CIROZ: variants seen among roughly 807,000 people sequenced by gnomAD.
CIROZ encodes ciliated left-right organizer ZP-N domains-containing protein.
the CIROZ span, among the ~76,000 whole-genome samples, chr1:10,969,564 C>T: frequency 3.3e-5 from 5 of 152,110 alleles, no homozygotes; most frequent in Non-Finnish European, 7.3e-5. Flanking sequence ...ACCAGATGGG[C>T]GCTTCTTCCA....
the CIROZ span, among the ~76,000 whole-genome samples, chr1:10,968,543 A>G: frequency 2.6e-5 from 4 of 152,278 alleles, no homozygotes; most frequent in African/African-American, 7.2e-5. Flanking sequence ...GGGGAAATAA[A>G]GTGTCTGAGC....
chr1:10,975,590 GAAAA>G, the CIROZ span, among the ~76,000 whole-genome samples: 1 of 98,630 alleles, frequency 1.0e-5, no homozygotes, highest in African/African-American at 3.7e-5. Flanking sequence ...CTCTGTCTCA[GAAAA>G]AAAAAAAAAA....
At chr1:10,949,615 T>C in the CIROZ span, 3,561 of 1,596,708 alleles carry the variant, frequency 2.2e-3, 6 homozygotes, top group Non-Finnish European at 2.8e-3. Flanking sequence ...GATGCAGCCA[T>C]AGACGTGCTT....
the CIROZ span, among the ~76,000 whole-genome samples, chr1:10,981,118 A>G: frequency 1.8e-3 from 280 of 152,338 alleles, 5 homozygotes; most frequent in Non-Finnish European, 9.4e-4. Context: ...AATGCATCTC[A>G]GATGGGGAAA....
At chr1:10,974,839 G>T in the CIROZ span, among the ~76,000 whole-genome samples, 1 of 152,112 alleles carries the variant, frequency 6.6e-6, no homozygotes, top group Admixed American at 6.6e-5. This position sits in a 1 kb window ranked among gnomAD's most constrained non-coding sequence, Gnocchi z 4.4. Context: ...GAGCTCTATG[G>T]GTCCTTCTGG....
the CIROZ span, among the ~76,000 whole-genome samples, chr1:10,965,464 C>T: frequency 1.3e-5 from 2 of 152,336 alleles, no homozygotes; most frequent in South Asian, 4.1e-4. Context: ...TGGCTCATTC[C>T]TATCATCTCA....
the CIROZ span, among the ~76,000 whole-genome samples, chr1:10,966,970 A>C: frequency 2.0e-5 from 3 of 151,902 alleles, no homozygotes; most frequent in Admixed American, 6.6e-5. Flanking sequence ...CCAACACTGC[A>C]AAACCCCATC....
the CIROZ span, among the ~76,000 whole-genome samples, chr1:10,970,747 C>G: frequency 6.6e-6 from 1 of 152,078 alleles, no homozygotes; most frequent in African/African-American, 2.4e-5. Context: ...GTGATGGCTG[C>G]TGGTCCAGGG....
the CIROZ span, chr1:10,949,941 G>A: frequency 2.5e-6 from 2 of 809,174 alleles, no homozygotes; most frequent in Non-Finnish European, 3.8e-6. Flanking sequence ...GAGGTCAGAT[G>A]CAAGTCCTGG....
At chr1:10,966,332 A>C in the CIROZ span, 1 of 1,499,804 alleles carries the variant, frequency 6.7e-7, no homozygotes, top group South Asian at 1.3e-5. Context: ...TTTAAAAAAA[A>C]AAAAAGAAAA....
chr1:10,971,981 G>C, the CIROZ span, among the ~76,000 whole-genome samples: 47 of 152,320 alleles, frequency 3.1e-4, no homozygotes, highest in African/African-American at 1.1e-3. Flanking sequence ...ACAAGCTCCA[G>C]GAAAAGGCGT....
At chr1:10,972,184 T>C in the CIROZ span, among the ~76,000 whole-genome samples, 2 of 152,210 alleles carry the variant, frequency 1.3e-5, no homozygotes, top group African/African-American at 4.8e-5. Context: ...AGTGGAATCC[T>C]GTTGGATGTA....
At chr1:10,972,317 A>G in the CIROZ span, among the ~76,000 whole-genome samples, 1 of 152,044 alleles carries the variant, frequency 6.6e-6, no homozygotes, top group Non-Finnish European at 1.5e-5. Context: ...AGGCAGCAGG[A>G]TCGCCTTTAC....
chr1:10,949,335 A>G, the CIROZ span: 1 of 475,050 alleles, frequency 2.1e-6, no homozygotes, highest in Non-Finnish European at 3.8e-6. Flanking sequence ...CTGACCCCCC[A>G]CCCTCTGCTG....
At chr1:10,977,028 G>A in the CIROZ span, among the ~76,000 whole-genome samples, 44 of 152,142 alleles carry the variant, frequency 2.9e-4, no homozygotes, top group Admixed American at 8.5e-4. Flanking sequence ...GCATGGTGGC[G>A]CATGCCTGTA....
At chr1:10,954,453 C>CAAA in the CIROZ span, among the ~76,000 whole-genome samples, 1 of 117,340 alleles carries the variant, frequency 8.5e-6, no homozygotes. Context: ...GACTCTGTCT[C>CAAA]AAAAAAAAAA....
At chr1:10,981,911 A>C in the CIROZ span, 1 of 1,442,360 alleles carries the variant, frequency 6.9e-7, no homozygotes, top group Non-Finnish European at 9.4e-7. Flanking sequence ...CTTAGATGCA[A>C]GGCTTCTGAT....
chr1:10,976,882 G>A, the CIROZ span, among the ~76,000 whole-genome samples: 70 of 152,274 alleles, frequency 4.6e-4, 1 homozygote, highest in South Asian at 0.014. Flanking sequence ...TAGGCCGGGT[G>A]CGAGGGCTCA....
the CIROZ span, among the ~76,000 whole-genome samples, chr1:10,974,498 C>T: frequency 5.3e-5 from 8 of 152,280 alleles, no homozygotes; most frequent in Admixed American, 1.3e-4. This position sits in a 1 kb window ranked among gnomAD's most constrained non-coding sequence, Gnocchi z 4.4. Context: ...AGGGCCTCCT[C>T]TCTGCTGAGA....
Sources: allele counts gnomAD v4.1 joint callset (sites outside exome capture counted in the v4.1 genomes callset), GRCh38; gene constraint gnomAD v4.1.1; non-coding constraint Gnocchi (gnomAD v3.1); transcripts MANE v1.5; gene names NCBI Gene and HGNC (gene_info 2026-07-23, HGNC 2026-07-21).